The following FGL1 variants were observed in gnomAD, a reference collection of about 807,000 sequenced individuals.
The protein encoded by FGL1 is fibrinogen-like protein 1.
FGL1 carries 59 observed loss-of-function variants against 43.7 expected under a neutral mutation model. That is an observed-to-expected ratio of 1.35 (90% CI 1.10 to 1.68). The LOEUF is 1.68. Ranked by LOEUF, FGL1 falls within the 40% of genes most tolerant of loss-of-function variation. The pLI is 0.00. For missense variants in FGL1, 596 were observed against 373.0 expected (o/e 1.60, Z -4.92); for synonymous variants, 192 against 126.5 (o/e 1.52, Z -3.48).
chr8:17,865,358 G>C (rs7818801), intron 7 of FGL1, among the ~76,000 whole-genome samples: 78,600 of 151,942 alleles, frequency 0.52, 23,239 homozygotes, highest in Middle Eastern at 0.69. Context: ...TGGCTTTCCT[G>C]GATAATTTGC....
Position 17,868,951 on chromosome 8 carries a change from C to T in FGL1, c.556G>A (p.Ala186Thr). 6.2e-7 allele frequency: 1 copy of T among 1,606,438 alleles called. No individual in the cohort carries two copies. Among genetic ancestry groups the T allele is most frequent in the Non-Finnish European group, 8.5e-7 (1 of 1,177,570 alleles). ...CCAACTTTGAAATTCTTATATTGTG[C>T]ATAACGGCTATTTTTTTCAAAATCT... Reference protein sequence around the residue: ...LADFEKNSRYAQYKNFKVGDE... With the variant: ...LADFEKNSRYTQYKNFKVGDE... The change falls in exon 6 of 8, where the codon GCA becomes ACA. Residue 186 changes from alanine to threonine, a missense_variant. Physicochemically the swap from Ala to Thr is moderately conservative, Grantham distance 58. Transcript: ENST00000427924.
At chr8:17,891,672 C>T (rs2053707008) in intron 1 of FGL1, 2 of 985,112 alleles carry the variant, frequency 2.0e-6, no homozygotes, top group South Asian at 9.4e-5. Flanking sequence ...GAGAAGAAAA[C>T]TTGTAAACCT....
At chr8:17,870,394 A>G (rs2053340489) in intron 5 of FGL1, among the ~76,000 whole-genome samples, 1 of 152,192 alleles carries the variant, frequency 6.6e-6, no homozygotes, top group African/African-American at 2.4e-5. Flanking sequence ...TTATAAATCA[A>G]ATTATTAGAT....
At chr8:17,877,226 G>C (rs2053469757) in intron 3 of FGL1, among the ~76,000 whole-genome samples, 2 of 151,972 alleles carry the variant, frequency 1.3e-5, no homozygotes, top group Admixed American at 1.3e-4. Flanking sequence ...TTGTGTTCAT[G>C]GGAGTTTTTT....
intron 3 of FGL1, among the ~76,000 whole-genome samples, chr8:17,876,670 C>T (rs957288689): frequency 6.6e-6 from 1 of 152,074 alleles, no homozygotes; most frequent in Non-Finnish European, 1.5e-5. Flanking sequence ...CAGATTTTAG[C>T]CCTATTTGGA....
intron 5 of FGL1, among the ~76,000 whole-genome samples, chr8:17,869,880 C>A (rs562535377): frequency 6.6e-6 from 1 of 152,094 alleles, no homozygotes; most frequent in African/African-American, 2.4e-5. Flanking sequence ...GAGGCCGAGG[C>A]GGGCGGATCA....
Position 17,888,795 on chromosome 8 carries a change from A to C in FGL1, c.-17-3224T>G, listed in dbSNP as rs139191466. Among the ~76,000 whole-genome samples the C allele has an allele frequency of 1.1e-3, 164 of 152,318 alleles. 1 individual carries two copies. The highest frequency in any genetic ancestry group is 3.7e-3 in the African/African-American group (155 of 41,576). On this transcript the variant is annotated intron_variant, in intron 1 of 7. Transcript: ENST00000427924. Reference sequence around the variant, plus strand: ...CAGTGGGAAAATATATTTGTAAAGAAGGCTTAGAAAATAAACAATAACAAT... The same window carrying C: ...CAGTGGGAAAATATATTTGTAAAGACGGCTTAGAAAATAAACAATAACAAT...
At position 17,890,103 on chromosome 8, in the gene FGL1, T is replaced by C. The variant is rs34235002; in HGVS notation, c.-17-4532A>G. Among the ~76,000 whole-genome samples the C allele has an allele frequency of 3.7e-3, 568 of 152,358 alleles. 2 individuals are homozygous for C. The highest frequency in any genetic ancestry group is 0.013 in the African/African-American group (526 of 41,572). On this transcript the variant is annotated intron_variant, in intron 1 of 7. Transcript: ENST00000427924. ...ATGTCTTTAGAAGACACATTATGTT[T>C]ACTTTTTACTAAAGGAAGCTCAAAT...
intron 3 of FGL1, among the ~76,000 whole-genome samples, chr8:17,875,992 T>C (rs1429168725): frequency 4.6e-5 from 7 of 152,166 alleles, no homozygotes; most frequent in Non-Finnish European, 1.0e-4. Flanking sequence ...TGTACAGACT[T>C]AGAGAACGTG....
At position 17,874,438 on chromosome 8, in the gene FGL1, C is replaced by A; in HGVS notation, c.328G>T (p.Val110Phe). Residue 110 changes from valine (V) to phenylalanine (F), a missense_variant, in exon 4 of 8, where the codon GTT (valine) becomes TTT (phenylalanine). Physicochemically the swap from Val to Phe is conservative, Grantham distance 50. Transcript: ENST00000427924. ...KPLQSPAEFS[V>F]YCDMSDGGGW... ...CCTCCATCGGACATGTCACAATAAA[C>A]AGAAAATTCTGCTGGGCTCTGGAGA... 6.2e-7 allele frequency: 1 copy of A among 1,614,090 alleles called. No homozygotes were observed. The highest frequency in any genetic ancestry group is 8.5e-7 in the Non-Finnish European group (1 of 1,179,980).
chr8:17,887,013 G>A (rs1484085968), intron 1 of FGL1, among the ~76,000 whole-genome samples: 2 of 152,120 alleles, frequency 1.3e-5, no homozygotes, highest in African/African-American at 2.4e-5. Context: ...TACCCTTTCA[G>A]AATATGGAAG....
intron 3 of FGL1, among the ~76,000 whole-genome samples, chr8:17,880,112 C>T (rs1390861791): frequency 6.6e-6 from 1 of 152,206 alleles, no homozygotes; most frequent in Non-Finnish European, 1.5e-5. Context: ...TTCCTCTTGG[C>T]TCCAGAGGCA....
At chr8:17,886,019 G>C (rs973098834) in intron 1 of FGL1, among the ~76,000 whole-genome samples, 1 of 152,186 alleles carries the variant, frequency 6.6e-6, no homozygotes, top group African/African-American at 2.4e-5. Flanking sequence ...CTCCCAAAGT[G>C]CTGGGATTAC....
intron 1 of FGL1, among the ~76,000 whole-genome samples, chr8:17,887,821 C>T (rs561958296): frequency 1.3e-3 from 168 of 127,438 alleles, no homozygotes; most frequent in South Asian, 5.2e-3. Context: ...GGTGACAGTG[C>T]GAGACTCCAT....
At chr8:17,889,894 A>G (rs952522371) in intron 1 of FGL1, among the ~76,000 whole-genome samples, 2 of 152,344 alleles carry the variant, frequency 1.3e-5, no homozygotes, top group Middle Eastern at 3.4e-3. Context: ...CATTTATACT[A>G]CAATGAATAC....
intron 2 of FGL1, 121 bp downstream of exon 2, chr8:17,885,371 C>G (rs1015839618): frequency 1.3e-6 from 1 of 799,000 alleles, no homozygotes; most frequent in Non-Finnish European, 2.0e-6. Context: ...AGCCTCTTTG[C>G]TTTTCCCACA....
chr8:17,882,207 A>G lies in FGL1; in HGVS notation c.64-28T>C, dbSNP rs764144738. The G allele has an allele frequency of 4.5e-6, 7 of 1,549,452 alleles. No individual in the cohort carries two copies. The South Asian group carries it at 6.0e-5, about 13-fold the overall frequency. On this transcript the variant is annotated intron_variant, in intron 2 of 7. Coordinates refer to ENST00000427924, the MANE Select transcript of FGL1 (RefSeq NM_004467.4). ...GCAAAACAGGTGAGATGAGATGAGT[A>G]TGCACCTCATTTTCATGGAAAACAA...
At chr8:17,869,329 T>C (rs900299063) in intron 5 of FGL1, among the ~76,000 whole-genome samples, 4 of 152,144 alleles carry the variant, frequency 2.6e-5, no homozygotes, top group African/African-American at 9.7e-5. Flanking sequence ...AATGAAAGGG[T>C]CGACGTTTTA....
intron 5 of FGL1, among the ~76,000 whole-genome samples, chr8:17,873,470 C>T (rs2053395777): frequency 6.6e-6 from 1 of 152,096 alleles, no homozygotes; most frequent in African/African-American, 2.4e-5. Context: ...TCAGCAAAAT[C>T]ACCCAGCCAA....
Sources: gnomAD v4.1 joint callset for allele counts (sites outside exome capture counted in the v4.1 genomes callset) on GRCh38, gnomAD v4.1.1 for gene constraint, MANE v1.5 for transcripts, NCBI Gene and HGNC (gene_info 2026-07-23, HGNC 2026-07-21) for gene names.